Variants in RGS6 observed in about 807,000 individuals in gnomAD.
The protein encoded by RGS6 is regulator of G-protein signaling 6.
RGS6 carries 30 observed loss-of-function variants against 78.5 expected under a neutral mutation model. The ratio of observed to expected loss-of-function variants is 0.38; its 90% CI spans 0.29 to 0.52. The LOEUF (loss-of-function observed/expected upper bound fraction) is 0.52. Ranked by LOEUF, RGS6 falls within the 20% of genes least tolerant of loss-of-function variation. The pLI is 0.85. For missense variants in RGS6, 495 were observed against 609.7 expected (o/e 0.81, Z 1.98); for synonymous variants, 206 against 206.0 (o/e 1.00, Z 0.00).
chr14:72,354,760 T>C (rs2681758), intron 3 of RGS6, among the ~76,000 whole-genome samples: 61,703 of 151,998 alleles, frequency 0.41, 15,373 homozygotes, highest in African/African-American at 0.71. Flanking sequence ...TAGATTTCAA[T>C]ATATGAATTT....
At chr14:71,897,421 G>C in the RGS6 span, among the ~76,000 whole-genome samples, 1,535 of 152,330 alleles carry the variant, frequency 0.01, 31 homozygotes, top group African/African-American at 0.035. Context: ...AAGTGCTGTG[G>C]AGGGCTAGGA....
the RGS6 span, among the ~76,000 whole-genome samples, chr14:72,587,982 C>T: frequency 6.6e-6 from 1 of 152,198 alleles, no homozygotes; most frequent in African/African-American, 2.4e-5. Flanking sequence ...CTTGGGGAGG[C>T]TCCAGAACCT....
chr14:72,175,942 G>A (rs2097099452), intron 2 of RGS6, among the ~76,000 whole-genome samples: 1 of 152,132 alleles, frequency 6.6e-6, no homozygotes, highest in African/African-American at 2.4e-5. Context: ...TTGATGCTGT[G>A]AACTATCACC....
the RGS6 span, among the ~76,000 whole-genome samples, chr14:72,580,512 G>T: frequency 6.6e-6 from 1 of 152,144 alleles, no homozygotes; most frequent in African/African-American, 2.4e-5. Flanking sequence ...TCAGGCCCTG[G>T]GAGGAATGCA....
chr14:72,088,045 T>G (rs1834017142), intron 2 of RGS6, among the ~76,000 whole-genome samples: 1 of 152,162 alleles, frequency 6.6e-6, no homozygotes, highest in Non-Finnish European at 1.5e-5. Flanking sequence ...TGGAGGAGTT[T>G]GCGCTTTGGG....
intron 2 of RGS6, among the ~76,000 whole-genome samples, chr14:72,332,130 C>T (rs2075179690): frequency 6.6e-6 from 1 of 152,196 alleles, no homozygotes; most frequent in African/African-American, 2.4e-5. Context: ...GGCCCCAGAG[C>T]TTCCTCTTGG....
intron 3 of RGS6, among the ~76,000 whole-genome samples, chr14:72,453,321 A>G (rs1164598588): frequency 3.9e-5 from 6 of 152,016 alleles, no homozygotes; most frequent in African/African-American, 1.2e-4. Context: ...ACAAGCTTTA[A>G]AAGTTCCTTC....
chr14:72,523,795 T>C lies in RGS6; in HGVS notation c.1278+5258T>C, dbSNP rs976643272. 2.8e-4 allele frequency among the ~76,000 whole-genome samples: 42 copies of C among 152,306 alleles called. 1 individual carries two copies. The highest frequency in any genetic ancestry group is 3.9e-4 in the Admixed American group (6 of 15,298). ...GCTGTGTTGTTCCAATTTCATAGAT[T>C]TAGCCTTGTGAGGGGAGAAAAATAT... On this transcript the variant is annotated intron_variant, in intron 15 of 17. Transcript: ENST00000553525.
intron 3 of RGS6, among the ~76,000 whole-genome samples, chr14:72,451,780 G>C (rs534834530): frequency 6.6e-6 from 1 of 151,958 alleles, no homozygotes; most frequent in South Asian, 2.1e-4. Flanking sequence ...TTGAGACAGC[G>C]TCTCACTCTG....
intron 2 of RGS6, among the ~76,000 whole-genome samples, chr14:72,000,469 T>A (rs2083218198): frequency 6.6e-6 from 1 of 152,168 alleles, no homozygotes; most frequent in Non-Finnish European, 1.5e-5. Context: ...ATTGGAAATG[T>A]TGGCTTCATC....
At chr14:72,377,326 G>T (rs1277176945) in intron 3 of RGS6, among the ~76,000 whole-genome samples, 1 of 152,078 alleles carries the variant, frequency 6.6e-6, no homozygotes, top group African/African-American at 2.4e-5. Context: ...ATGACGAAGA[G>T]ATTAATTCAG....
chr14:72,560,345 G>T (rs1203070180), intron 17 of RGS6, among the ~76,000 whole-genome samples: 1 of 152,176 alleles, frequency 6.6e-6, no homozygotes. Context: ...AGGTAACCGG[G>T]GGTAGGGGAG....
At chr14:72,182,022 A>T (rs2097179268) in intron 2 of RGS6, among the ~76,000 whole-genome samples, 1 of 152,226 alleles carries the variant, frequency 6.6e-6, no homozygotes, top group Non-Finnish European at 1.5e-5. Context: ...ATTATGGTTC[A>T]GTTTGGATTT....
chr14:72,117,241 T>C (rs1227727101), intron 2 of RGS6, among the ~76,000 whole-genome samples: 1 of 152,174 alleles, frequency 6.6e-6, no homozygotes, highest in Non-Finnish European at 1.5e-5. Flanking sequence ...AAATCTCATA[T>C]TGAAATGTGA....
chr14:72,002,094 G>C (rs1341838230), intron 2 of RGS6, among the ~76,000 whole-genome samples: 2 of 151,476 alleles, frequency 1.3e-5, no homozygotes, highest in Non-Finnish European at 2.9e-5. Context: ...GTAGAGACAG[G>C]GTTTTGCCAT....
At chr14:72,228,898 A>T (rs4903000) in intron 2 of RGS6, among the ~76,000 whole-genome samples, 4 of 152,122 alleles carry the variant, frequency 2.6e-5, no homozygotes, top group African/African-American at 9.7e-5. Context: ...TACTAAAAAT[A>T]TAAAAATTTA....
intron 2 of RGS6, among the ~76,000 whole-genome samples, chr14:72,134,532 G>A (rs186126746): frequency 1.7e-3 from 264 of 152,356 alleles, no homozygotes; most frequent in African/African-American, 5.5e-3. Context: ...AAAAATGGAG[G>A]CAGGCATGTG....
intron 3 of RGS6, among the ~76,000 whole-genome samples, chr14:72,415,018 G>A (rs543280220): frequency 6.6e-6 from 1 of 152,316 alleles, no homozygotes; most frequent in African/African-American, 2.4e-5. Context: ...ACTTGAGGAG[G>A]CAGTCTGCCC....
chr14:72,537,561 G>A (rs779260057), intron 16 of RGS6: 33 of 702,210 alleles, frequency 4.7e-5, no homozygotes, highest in South Asian at 2.2e-4. Context: ...GCCTCCTGTC[G>A]ATTCCCCTGC....
Sources: gnomAD v4.1 joint callset for allele counts (sites outside exome capture counted in the v4.1 genomes callset) on GRCh38, gnomAD v4.1.1 for gene constraint, MANE v1.5 for transcripts, NCBI Gene and HGNC (gene_info 2026-07-23, HGNC 2026-07-21) for gene names.